The following TINAG variants were observed in gnomAD, a reference collection of about 807,000 sequenced individuals.
TINAG encodes the protein tubulointerstitial nephritis antigen.
A neutral mutation model predicts 72.7 loss-of-function variants in TINAG; 83 were observed. The ratio of observed to expected loss-of-function variants is 1.14; its 90% CI spans 0.96 to 1.37. The LOEUF (loss-of-function observed/expected upper bound fraction) is 1.37, where lower values mean the gene tolerates loss of function less well. Ranked by LOEUF, TINAG falls within the 40% of genes most tolerant of loss-of-function variation. The probability of loss-of-function intolerance (pLI) is 0.00; values close to 1 mark genes in which losing one functional copy is unlikely to be tolerated. For synonymous variants in TINAG, 234 were observed against 189.9 expected, an observed-to-expected ratio of 1.23 and a Z score of -1.91; for missense variants, 685 against 576.6, an observed-to-expected ratio of 1.19 and a Z score of -1.93.
chr6:54,389,664 A>C (rs1764191890), intron 10 of TINAG, 127 bp from the exon 11 acceptor site: 1 of 1,150,856 alleles, frequency 8.7e-7, no homozygotes, highest in South Asian at 1.7e-5. Flanking sequence ...AAAATAGGTA[A>C]GTTCTTGATA....
intron 9 of TINAG, among the ~76,000 whole-genome samples, chr6:54,358,170 A>T (rs1763113965): frequency 6.6e-6 from 1 of 151,688 alleles, no homozygotes. Flanking sequence ...CACCTTCTTA[A>T]TATGTCCTCC....
At chr6:54,381,092 C>G (rs1364679659) in intron 10 of TINAG, among the ~76,000 whole-genome samples, 1 of 147,074 alleles carries the variant, frequency 6.8e-6, no homozygotes, top group Non-Finnish European at 1.5e-5. Flanking sequence ...TAGGATATAA[C>G]CGATAGGATA....
chr6:54,349,867 T>C lies in TINAG; in HGVS notation c.1051T>C (p.Cys351Arg). ...AGAAAAATCTAACAGGATCTATCAA[T>C]GTTCTCCTCCATACAGAGTCTCTTC... Reference protein sequence around the residue: ...NVEKSNRIYQCSPPYRVSSNE... With the variant: ...NVEKSNRIYQRSPPYRVSSNE... Residue 351 changes from cysteine (C) to arginine (R), a missense_variant, in exon 7 of 11, where the codon TGT (cysteine) becomes CGT (arginine). Coordinates refer to ENST00000259782, the MANE Select transcript of TINAG (RefSeq NM_014464.4). 1.9e-6 allele frequency: 3 copies of C among 1,607,186 alleles called. No homozygotes were observed. Among genetic ancestry groups the C allele is most frequent in the East Asian group, 4.5e-5 (2 of 44,654 alleles).
chr6:54,355,798 G>C (rs2150963611), intron 9 of TINAG, among the ~76,000 whole-genome samples: 1 of 150,734 alleles, frequency 6.6e-6, no homozygotes, highest in East Asian at 2.0e-4. Context: ...TGAAATCTTG[G>C]AGTATTTTTA....
At chr6:54,388,367 T>G (rs1056485274) in intron 10 of TINAG, among the ~76,000 whole-genome samples, 4 of 152,168 alleles carry the variant, frequency 2.6e-5, no homozygotes, top group Admixed American at 2.6e-4. Flanking sequence ...GAGTGCTCCT[T>G]TAAAGTATCA....
At chr6:54,353,095 C>T (rs762763647) in intron 8 of TINAG, among the ~76,000 whole-genome samples, 2 of 151,634 alleles carry the variant, frequency 1.3e-5, no homozygotes, top group African/African-American at 2.4e-5. Context: ...GTTATATATT[C>T]GTGAATTTAT....
At chr6:54,336,228 A>G in intron 4 of TINAG, among the ~76,000 whole-genome samples, 1 of 152,158 alleles carries the variant, frequency 6.6e-6, no homozygotes, top group East Asian at 1.9e-4. Context: ...CAGTACTTAG[A>G]TTATAGTAAA....
At chr6:54,385,240 A>T (rs1419476753) in intron 10 of TINAG, among the ~76,000 whole-genome samples, 1 of 152,114 alleles carries the variant, frequency 6.6e-6, no homozygotes, top group Non-Finnish European at 1.5e-5. Flanking sequence ...CTTTGCAAAA[A>T]ATGATTAAAT....
rs757589861 is a variant in TINAG, at chr6:54,349,724, C to T, written c.908C>T (p.Ser303Phe). ...WWYLRKRGLV[S>F]HACYPLFKDQ... ...TTGCTTATTCCTCATAGACTGGTAT[C>T]CCACGCATGCTACCCACTTTTCAAA... is the stretch of plus-strand genomic sequence containing the variant. Residue 303 changes from serine to phenylalanine, a missense_variant, in exon 7 of 11, where the codon TCC (serine) becomes TTC (phenylalanine). Transcript: ENST00000259782. 7.0e-6 allele frequency: 11 copies of T among 1,569,370 alleles called. No homozygotes were observed. In the South Asian group the frequency reaches 9.4e-5, roughly 13 times the overall value.
intron 6 of TINAG, among the ~76,000 whole-genome samples, chr6:54,348,989 T>C (rs1785196431): frequency 6.6e-6 from 1 of 152,096 alleles, no homozygotes; most frequent in South Asian, 2.1e-4. Context: ...TTTATTTCCC[T>C]TACAATTTAT....
intron 5 of TINAG, among the ~76,000 whole-genome samples, chr6:54,345,731 T>C (rs1000781156): frequency 2.7e-4 from 41 of 152,106 alleles, no homozygotes; most frequent in African/African-American, 9.1e-4. Context: ...TAGATGGGAA[T>C]TTAGTAGGGA....
At chr6:54,308,993 T>G (rs1341553682) in intron 1 of TINAG, 88 bp downstream of exon 1, 46 of 1,136,602 alleles carry the variant, frequency 4.0e-5, no homozygotes, top group Non-Finnish European at 5.7e-5. Context: ...TTTCTTTTTT[T>G]CCTTCTTTCA....
intron 1 of TINAG, among the ~76,000 whole-genome samples, chr6:54,317,955 T>C (rs1011208247): frequency 2.6e-5 from 4 of 152,054 alleles, no homozygotes; most frequent in South Asian, 2.1e-4. Context: ...TCGACAGTAC[T>C]GTATGCAGCT....
intron 1 of TINAG, 39 bp from the exon 2 acceptor site, chr6:54,320,540 A>C (rs774871147): frequency 6.6e-7 from 1 of 1,509,010 alleles, no homozygotes; most frequent in East Asian, 2.3e-5. Flanking sequence ...TTTATTACTT[A>C]GTTTAGCATT....
intron 1 of TINAG, among the ~76,000 whole-genome samples, chr6:54,319,399 C>T (rs552698291): frequency 1.3e-5 from 2 of 152,218 alleles, no homozygotes; most frequent in South Asian, 4.1e-4. Context: ...AGTCTTCCTA[C>T]ATCTCGGGTT....
intron 6 of TINAG, 50 bp downstream of exon 6, chr6:54,347,567 T>G (rs1191463107): frequency 1.9e-6 from 3 of 1,597,342 alleles, no homozygotes; most frequent in South Asian, 2.2e-5. Flanking sequence ...AATGATGCAT[T>G]GTGTTAGAAC....
At chr6:54,327,566 T>G (rs1321010131) in intron 4 of TINAG, among the ~76,000 whole-genome samples, 1 of 152,078 alleles carries the variant, frequency 6.6e-6, no homozygotes, top group African/African-American at 2.4e-5. Context: ...AGTTTTTTTT[T>G]TCATACCCCA....
At chr6:54,314,190 C>A (rs1415301923) in intron 1 of TINAG, among the ~76,000 whole-genome samples, 2 of 152,116 alleles carry the variant, frequency 1.3e-5, no homozygotes, top group East Asian at 1.9e-4. Context: ...TTGGTGACAA[C>A]CCTAACTAAA....
intron 4 of TINAG, among the ~76,000 whole-genome samples, chr6:54,334,729 A>G (rs905073079): frequency 2.9e-4 from 44 of 152,282 alleles, no homozygotes; most frequent in African/African-American, 7.9e-4. Flanking sequence ...GGCCAATGCT[A>G]ATTGGAACTC....
Sources: allele counts gnomAD v4.1 joint callset (sites outside exome capture counted in the v4.1 genomes callset), GRCh38; gene constraint gnomAD v4.1.1; transcripts MANE v1.5; gene names NCBI Gene and HGNC (gene_info 2026-07-23, HGNC 2026-07-21).